The following TSPAN2 variants were observed in gnomAD, a reference collection of about 807,000 sequenced individuals.
The protein encoded by TSPAN2 is tetraspanin-2.
Under a neutral mutation model 33.3 loss-of-function variants are expected in TSPAN2, and 24 were observed. The ratio of observed to expected loss-of-function variants is 0.72; its 90% confidence interval spans 0.52 to 1.01. The LOEUF (loss-of-function observed/expected upper bound fraction) is 1.01. Ranked by LOEUF, TSPAN2 falls within the 50% of genes least tolerant of loss-of-function variation. TSPAN2 has a pLI of 0.00. For synonymous variants in TSPAN2, 114 were observed against 104.5 expected (o/e 1.09, Z -0.56); for missense variants, 278 against 281.3 (o/e 0.99, Z 0.08).
At chr1:115,054,678 G>C (rs1647325469) in intron 6 of TSPAN2, among the ~76,000 whole-genome samples, 1 of 152,134 alleles carries the variant, frequency 6.6e-6, no homozygotes, top group Admixed American at 6.5e-5. Flanking sequence ...CCAAAGAGGT[G>C]CCCTTCTCTG....
Position 115,089,392 on chromosome 1 carries a change from A to G in TSPAN2, c.41T>C (p.Leu14Pro), listed in dbSNP as rs770941389. The change falls in exon 1 of 8, where the codon CTG (leucine) becomes CCG (proline). Residue 14 changes from leucine to proline, a missense_variant. Leu to Pro is a moderately conservative substitution (Grantham distance 98). Coordinates refer to ENST00000369516, the MANE Select transcript of TSPAN2 (RefSeq NM_005725.6). Reference protein sequence around the residue: ...FRGGLRCIKYLLLGFNLLFWL... With the variant: ...FRGGLRCIKYPLLGFNLLFWL... ...GAAGAGCAGGTTGAAGCCAAGCAGC[A>G]GGTACTTGATGCACCGCAGGCCCCC... The G allele has an allele frequency of 1.3e-6, 2 of 1,596,478 alleles. No homozygotes were observed. Among genetic ancestry groups the G allele is most frequent in the Admixed American group, 3.4e-5 (2 of 58,406 alleles).
At chr1:115,060,027 C>T (rs998573798) in intron 4 of TSPAN2, among the ~76,000 whole-genome samples, 6 of 152,126 alleles carry the variant, frequency 3.9e-5, no homozygotes, top group African/African-American at 1.4e-4. Flanking sequence ...TATAAACTGG[C>T]TTCACTAGCC....
chr1:115,089,006 G>C (rs1340084343), intron 1 of TSPAN2, among the ~76,000 whole-genome samples: 1 of 57,306 alleles, frequency 1.7e-5, no homozygotes, highest in Non-Finnish European at 3.3e-5. Context: ...GTGCACGGGA[G>C]ACTGGAGGGG....
chr1:115,081,287 C>T (rs1648614044), intron 1 of TSPAN2, among the ~76,000 whole-genome samples: 1 of 152,162 alleles, frequency 6.6e-6, no homozygotes, highest in Non-Finnish European at 1.5e-5. Flanking sequence ...GAGACAAAGT[C>T]GGCTTCCTGG....
At chr1:115,078,409 A>G (rs562022709) in intron 1 of TSPAN2, among the ~76,000 whole-genome samples, 1 of 152,284 alleles carries the variant, frequency 6.6e-6, no homozygotes, top group South Asian at 2.1e-4. Context: ...CAAAGATGCT[A>G]TAGACTGAAT....
intron 1 of TSPAN2, among the ~76,000 whole-genome samples, chr1:115,087,716 T>A (rs568921598): frequency 1.3e-5 from 2 of 152,256 alleles, no homozygotes; most frequent in East Asian, 3.9e-4. Context: ...TTTGAGCCTG[T>A]TTCCTCATCT....
At chr1:115,076,231 TAC>T (rs1301182567) in intron 1 of TSPAN2, among the ~76,000 whole-genome samples, 1 of 152,160 alleles carries the variant, frequency 6.6e-6, no homozygotes, top group African/African-American at 2.4e-5. Context: ...GAGATGGTAG[TAC>T]AGAGGTTCAT....
chr1:115,088,269 G>A (rs1648920797), intron 1 of TSPAN2, among the ~76,000 whole-genome samples: 1 of 152,170 alleles, frequency 6.6e-6, no homozygotes, highest in Non-Finnish European at 1.5e-5. Context: ...TAATTAATTA[G>A]TTGCAATCAT....
Position 115,086,130 on chromosome 1 carries a change from C to T in TSPAN2, c.69+3234G>A, listed in dbSNP as rs150496849. 4.9e-3 allele frequency among the ~76,000 whole-genome samples: 741 copies of T among 152,002 alleles called. 4 individuals are homozygous for T. The highest frequency in any genetic ancestry group is 0.017 in the African/African-American group (694 of 41,440). On this transcript the variant is annotated intron_variant, in intron 1 of 7. Coordinates refer to ENST00000369516, the MANE Select transcript of TSPAN2 (RefSeq NM_005725.6). Reference sequence around the variant, plus strand: ...CATTTATTGAATGCTTCCTATGTGCCGATAACAAAAATAATAATTAATATT... The same window carrying T: ...CATTTATTGAATGCTTCCTATGTGCTGATAACAAAAATAATAATTAATATT...
intron 1 of TSPAN2, among the ~76,000 whole-genome samples, chr1:115,073,398 C>G (rs77236143): frequency 2.0e-5 from 3 of 152,314 alleles, no homozygotes; most frequent in South Asian, 4.2e-4. Flanking sequence ...TTCACCCACA[C>G]CACAACGAGA....
chr1:115,053,202 CA>C (rs1647255556), intron 7 of TSPAN2, among the ~76,000 whole-genome samples, 176 bp downstream of exon 7: 1 of 152,170 alleles, frequency 6.6e-6, no homozygotes, highest in Non-Finnish European at 1.5e-5. Context: ...TTTTAGAGGA[CA>C]AACTATTAAT....
In TSPAN2 at chr1:115,060,515, T is replaced by C; in HGVS notation, c.294A>G (p.Ile98Met). 1 of 1,613,588 alleles carries C rather than the reference T, an allele frequency of 6.2e-7. No homozygotes were observed. Among genetic ancestry groups the C allele is most frequent in the Non-Finnish European group, 8.5e-7 (1 of 1,179,726 alleles). Residue 98 changes from isoleucine to methionine, a missense_variant, in exon 4 of 8, where the codon ATA becomes ATG. Physicochemically the swap from Ile to Met is conservative, Grantham distance 10. Transcript: ENST00000369516. ...CTCCAGTGGTTACTTCAGCAGCAAA[T>C]ATCACCAGGAGGCAGGTAAAAAACT... is the stretch of plus-strand genomic sequence containing the variant. ...LGSFFTCLLV[I>M]FAAEVTTGVF...
At chr1:115,052,644 C>A (rs1225463266) in intron 7 of TSPAN2, among the ~76,000 whole-genome samples, 1 of 152,164 alleles carries the variant, frequency 6.6e-6, no homozygotes, top group African/African-American at 2.4e-5. Context: ...ATCCATTCTT[C>A]CCACACACTC....
intron 1 of TSPAN2, among the ~76,000 whole-genome samples, chr1:115,080,866 T>G (rs1648598305): frequency 6.6e-6 from 1 of 152,192 alleles, no homozygotes; most frequent in Non-Finnish European, 1.5e-5. Flanking sequence ...ATCACTTATC[T>G]TGGAGGCCAC....
chr1:115,084,013 G>A (rs1648736351), intron 1 of TSPAN2, among the ~76,000 whole-genome samples: 1 of 152,178 alleles, frequency 6.6e-6, no homozygotes, highest in Non-Finnish European at 1.5e-5. Context: ...GGTGGAGGAA[G>A]TGATCTCTCC....
intron 2 of TSPAN2, among the ~76,000 whole-genome samples, chr1:115,067,743 G>A (rs1648005026): frequency 6.6e-6 from 1 of 152,188 alleles, no homozygotes; most frequent in Non-Finnish European, 1.5e-5. Flanking sequence ...AGTGGCTCCT[G>A]CGTGTGTGGG....
At chr1:115,078,342 C>A (rs143288509) in intron 1 of TSPAN2, among the ~76,000 whole-genome samples, 77 of 152,264 alleles carry the variant, frequency 5.1e-4, no homozygotes, top group African/African-American at 1.8e-3. Flanking sequence ...ATCCCCTCTG[C>A]CCTGCAGAGT....
intron 1 of TSPAN2, among the ~76,000 whole-genome samples, chr1:115,077,227 C>G (rs747622868): frequency 2.6e-4 from 40 of 151,902 alleles, no homozygotes; most frequent in Non-Finnish European, 4.4e-4. Context: ...CCTCATCATT[C>G]CTTTTCTGAG....
At chr1:115,077,332 T>TAA (rs56178923) in intron 1 of TSPAN2, among the ~76,000 whole-genome samples, 2 of 148,824 alleles carry the variant, frequency 1.3e-5, no homozygotes, top group African/African-American at 2.5e-5. Flanking sequence ...GAAAAATACT[T>TAA]AAAAAAAAAA....
Sources: allele counts gnomAD v4.1 joint callset (sites outside exome capture counted in the v4.1 genomes callset), GRCh38; gene constraint gnomAD v4.1.1; transcripts MANE v1.5; gene names NCBI Gene and HGNC (gene_info 2026-07-23, HGNC 2026-07-21).